CEP135: variants seen among roughly 807,000 people sequenced by gnomAD.
CEP135 encodes the protein centrosomal protein of 135 kDa.
Under a neutral mutation model 157.3 loss-of-function variants are expected in CEP135, and 142 were observed. The observed-to-expected ratio is 0.90, with a 90% CI of 0.79 to 1.04. The LOEUF (loss-of-function observed/expected upper bound fraction) is 1.04, where lower values mean the gene tolerates loss of function less well. CEP135 is among the 50% of genes least tolerant of loss of function. CEP135 has a pLI of 0.00. For missense variants in CEP135, 1,317 were observed against 1,309.2 expected (o/e 1.01, Z -0.09); for synonymous variants, 396 against 439.8 (o/e 0.90, Z 1.25).
intron 14 of CEP135, among the ~76,000 whole-genome samples, chr4:55,991,719 A>G (rs1043088969): frequency 2.6e-5 from 4 of 151,936 alleles, no homozygotes; most frequent in Admixed American, 1.3e-4. Flanking sequence ...CGTGCTTTTT[A>G]TATTTTGTTT....
intron 4 of CEP135, 48 bp downstream of exon 4, chr4:55,954,431 A>G (rs1728449146): frequency 6.7e-7 from 1 of 1,498,856 alleles, no homozygotes; most frequent in African/African-American, 1.4e-5. Context: ...TAATCTTTTA[A>G]CGATATTAAC....
rs149718537 is a variant in CEP135, at chr4:56,014,717, C to G, written c.2802+2732C>G. Among the ~76,000 whole-genome samples, 915 of 152,088 alleles carry G rather than the reference C, an allele frequency of 6.0e-3. 4 individuals carry two copies. The highest frequency in any genetic ancestry group is 0.02 in the African/African-American group (848 of 41,490). Reference sequence around the variant, plus strand: ...GGAAAGAGAGAAATGGAGCAAGGAACTGAAAAGCAAAAAAGAAAGCAAGAC... The same window carrying G: ...GGAAAGAGAGAAATGGAGCAAGGAAGTGAAAAGCAAAAAAGAAAGCAAGAC... On this transcript the variant is annotated intron_variant, in intron 21 of 25. Coordinates refer to ENST00000257287, the MANE Select transcript of CEP135 (RefSeq NM_025009.5).
rs1472295977 is a variant in CEP135 at position 56,032,041 on chromosome 4, C to G, written c.*693C>G. ...TATGTAACACAAATTCAAAAGCAAA[C>G]TAAAAGCTATATGCAGAGTTTTGTA... is the stretch of plus-strand genomic sequence containing the variant. On this transcript the variant is annotated 3_prime_UTR_variant, in exon 26 of 26. Transcript: ENST00000257287. 1 of 152,090 alleles carries G rather than the reference C, an allele frequency of 6.6e-6. No homozygotes were observed. Among genetic ancestry groups the G allele is most frequent in the African/African-American group, 2.4e-5 (1 of 41,412 alleles). 9.4% of individuals were successfully genotyped at this position (152,090 alleles called of 1,614,324 possible). A position where few individuals can be genotyped will look rare whatever the true frequency, so the allele number is the denominator to read the frequency against.
At chr4:56,007,468 G>C (rs1730395685) in intron 17 of CEP135, among the ~76,000 whole-genome samples, 1 of 152,188 alleles carries the variant, frequency 6.6e-6, no homozygotes, top group Non-Finnish European at 1.5e-5. Flanking sequence ...TGTTGTTACT[G>C]AACTACCACT....
At position 55,961,651 on chromosome 4, in the gene CEP135, C is replaced by A. The variant is rs1462436052; in HGVS notation, c.699+1885C>A. Among the ~76,000 whole-genome samples the A allele has an allele frequency of 5.3e-5, 8 of 150,586 alleles. No homozygotes were observed. In the Admixed American group the frequency reaches 5.4e-4, roughly 10 times the overall value. On this transcript the variant is annotated intron_variant, in intron 6 of 25. Transcript: ENST00000257287. ...TGGTGGCGCATTCCTGTAATCCCAG[C>A]TACTTGGGAGGCTGAGGCAGGAGAA... is the stretch of plus-strand genomic sequence containing the variant.
At chr4:55,988,994 C>T (rs930547828) in intron 14 of CEP135, among the ~76,000 whole-genome samples, 1 of 149,918 alleles carries the variant, frequency 6.7e-6, no homozygotes, top group East Asian at 2.0e-4. Context: ...AATAAAACAA[C>T]AGGGATTGGG....
At chr4:56,024,292 A>G (rs1731077460) in intron 24 of CEP135, among the ~76,000 whole-genome samples, 1 of 150,842 alleles carries the variant, frequency 6.6e-6, no homozygotes, top group Non-Finnish European at 1.5e-5. Flanking sequence ...CTTAGAAGCA[A>G]GATGCTCCTC....
rs12331143 is a variant in CEP135 at position 56,026,558 on chromosome 4, C to T, written c.*11+1944C>T. 6.4e-3 allele frequency among the ~76,000 whole-genome samples: 981 copies of T among 152,286 alleles called. 12 individuals carry two copies. Among genetic ancestry groups the T allele is most frequent in the African/African-American group, 0.023 (944 of 41,558 alleles). On this transcript the variant is annotated intron_variant, in intron 25 of 25. Transcript: ENST00000257287. ...TGTGTATGGAATGCCATTATGGAAA[C>T]TTACTACAATCCAATTACTCCTCCT...
chr4:56,021,690 A>T (rs904643587), intron 24 of CEP135, among the ~76,000 whole-genome samples: 2 of 152,190 alleles, frequency 1.3e-5, no homozygotes, highest in Admixed American at 1.3e-4. Flanking sequence ...GTGATGTGCT[A>T]TTTGAAGTAT....
At chr4:56,015,220 A>G (rs1331643843) in intron 21 of CEP135, among the ~76,000 whole-genome samples, 2 of 152,234 alleles carry the variant, frequency 1.3e-5, no homozygotes, top group East Asian at 3.9e-4. Context: ...TGAAAGGAAC[A>G]GAAATGGGAT....
chr4:55,980,429 AG>A (rs1276647232), intron 12 of CEP135, 134 bp downstream of exon 12: 1 of 529,168 alleles, frequency 1.9e-6, no homozygotes, highest in East Asian at 3.5e-5. Context: ...TATCAGTAGT[AG>A]TTTCTACTAT....
intron 11 of CEP135, among the ~76,000 whole-genome samples, chr4:55,977,969 C>T (rs1729276971): frequency 6.6e-6 from 1 of 152,170 alleles, no homozygotes; most frequent in Non-Finnish European, 1.5e-5. Flanking sequence ...GCATAGAATA[C>T]AGAGATGAAG....
intron 1 of CEP135, among the ~76,000 whole-genome samples, chr4:55,951,738 T>A (rs1728367710): frequency 1.3e-5 from 2 of 152,244 alleles, no homozygotes; most frequent in African/African-American, 4.8e-5. Context: ...GCAGACATTT[T>A]AAATTTTGAT....
chr4:55,958,111 T>G lies in CEP135; in HGVS notation c.614+747T>G, dbSNP rs988552842. Among the ~76,000 whole-genome samples, 6 of 151,536 alleles carry G rather than the reference T, an allele frequency of 4.0e-5. 1 individual carries two copies. The highest frequency in any genetic ancestry group is 5.9e-5 in the Non-Finnish European group (4 of 67,928). On this transcript the variant is annotated intron_variant, in intron 5 of 25. Coordinates refer to ENST00000257287, the MANE Select transcript of CEP135 (RefSeq NM_025009.5). ...TAGATTATACAGAGAATGTGGGGGG[T>G]TTTATTAATCTCAATAGATAAAGCT... is the stretch of plus-strand genomic sequence containing the variant.
chr4:55,996,711 C>T (rs1452159850), intron 15 of CEP135, among the ~76,000 whole-genome samples: 1 of 151,562 alleles, frequency 6.6e-6, no homozygotes, highest in Admixed American at 6.6e-5. Flanking sequence ...CATCAGTCTC[C>T]GTCTTTTTTT....
intron 6 of CEP135, among the ~76,000 whole-genome samples, chr4:55,962,087 T>C (rs1048314955): frequency 6.6e-6 from 1 of 150,776 alleles, no homozygotes; most frequent in Admixed American, 6.6e-5. Context: ...ATAGCTAACA[T>C]CCTTTTTAAA....
intron 11 of CEP135, among the ~76,000 whole-genome samples, chr4:55,976,540 A>AT: frequency 6.6e-6 from 1 of 152,362 alleles, no homozygotes; most frequent in East Asian, 1.9e-4. Context: ...TGTGAGACAT[A>AT]TTGGTAAGGC....
chr4:56,024,589 C>A lies in CEP135; in HGVS notation c.3409C>A (p.His1137Asn). ...GAGGTCTCCTTCACATTCTCCTGAACATAGAAATGTGTAATTATCAGAAAG... is the reference window on the plus strand; with the variant it reads ...GAGGTCTCCTTCACATTCTCCTGAAAATAGAAATGTGTAATTATCAGAAAG... Reference protein sequence around the residue: ...TLRSPSHSPEHRNV With the variant: ...TLRSPSHSPENRNV The change falls in exon 25 of 26, where the codon CAT (histidine) becomes AAT (asparagine). Residue 1137 changes from histidine to asparagine, a missense_variant. Coordinates refer to ENST00000257287, the MANE Select transcript of CEP135 (RefSeq NM_025009.5). 2 of 1,610,962 alleles carry A rather than the reference C, an allele frequency of 1.2e-6. No individual in the cohort carries two copies. The highest frequency in any genetic ancestry group is 1.7e-6 in the Non-Finnish European group (2 of 1,177,264).
Position 55,959,756 on chromosome 4 carries a change from A to C in CEP135, c.689A>C (p.Tyr230Ser). The change falls in exon 6 of 26, where the codon TAT (tyrosine) becomes TCT (serine). Residue 230 changes from tyrosine to serine, a missense_variant. Tyr to Ser is a moderately radical substitution (Grantham distance 144, BLOSUM62 -2). Transcript: ENST00000257287. Reference sequence around the variant, plus strand: ...ATGATGGAAAGTGGGGTGAGAGACTATAGCAAGCAGGTAGGATTTTTATTT... The same window carrying C: ...ATGATGGAAAGTGGGGTGAGAGACTCTAGCAAGCAGGTAGGATTTTTATTT... ...LAMMESGVRD[Y>S]SKQIELRERE... 1 of 1,613,450 alleles carries C rather than the reference A, an allele frequency of 6.2e-7. No homozygotes were observed. Among genetic ancestry groups the C allele is most frequent in the Non-Finnish European group, 8.5e-7 (1 of 1,179,350 alleles).
Sources: gnomAD v4.1 joint callset for allele counts (sites outside exome capture counted in the v4.1 genomes callset) on GRCh38, gnomAD v4.1.1 for gene constraint, MANE v1.5 for transcripts, NCBI Gene and HGNC (gene_info 2026-07-23, HGNC 2026-07-21) for gene names.